The following CNTN5 variants were observed in gnomAD, a reference collection of about 807,000 sequenced individuals.
CNTN5 encodes the protein contactin-5.
Under a neutral mutation model 129.1 loss-of-function variants are expected in CNTN5, and 77 were observed. That is an observed-to-expected ratio of 0.60 (90% CI 0.50 to 0.72). CNTN5 has a LOEUF of 0.72. Among genes scored for constraint, CNTN5 ranks in the 30% least tolerant of loss-of-function variants. CNTN5 has a pLI of 0.00. For synonymous variants in CNTN5, 509 were observed against 465.6 expected (o/e 1.09, Z -1.20); for missense variants, 1,478 against 1,328.8 (o/e 1.11, Z -1.75).
At chr11:99,640,891 C>T (rs1283898032) in intron 3 of CNTN5, among the ~76,000 whole-genome samples, 1 of 152,200 alleles carries the variant, frequency 6.6e-6, no homozygotes, top group Non-Finnish European at 1.5e-5. Flanking sequence ...TCTGTAAAAA[C>T]ACAACTCTTG....
intron 14 of CNTN5, among the ~76,000 whole-genome samples, chr11:100,191,476 T>G (rs1948491742): frequency 6.6e-6 from 1 of 152,134 alleles, no homozygotes; most frequent in African/African-American, 2.4e-5. Flanking sequence ...TTTATTTTGC[T>G]TTGAATAAAA....
chr11:100,038,148 A>G lies in CNTN5; in HGVS notation c.981-23064A>G, dbSNP rs564757836. Among the ~76,000 whole-genome samples, 26 of 152,142 alleles carry G rather than the reference A, an allele frequency of 1.7e-4. No homozygotes were observed. The East Asian group carries it at 4.4e-3, about 26-fold the overall frequency. On this transcript the variant is annotated intron_variant, in intron 9 of 24. Coordinates refer to ENST00000524871, the MANE Select transcript of CNTN5 (RefSeq NM_014361.4). ...CTACACACTACTTTGAATGTGTCCC[A>G]GAGATTCTGGTATGTTGTGTCTTTG...
At chr11:99,676,049 G>A (rs768958215) in intron 3 of CNTN5, among the ~76,000 whole-genome samples, 3 of 152,142 alleles carry the variant, frequency 2.0e-5, no homozygotes, top group African/African-American at 2.4e-5. Flanking sequence ...CTGCCTTCCA[G>A]CGATGTTGTA....
intron 3 of CNTN5, among the ~76,000 whole-genome samples, chr11:99,580,400 G>T (rs1949533324): frequency 6.6e-6 from 1 of 152,170 alleles, no homozygotes; most frequent in South Asian, 2.1e-4. Flanking sequence ...GTTTCAGAAG[G>T]AATGGTACCA....
intron 2 of CNTN5, among the ~76,000 whole-genome samples, chr11:99,350,051 T>C (rs34566431): frequency 0.28 from 42,760 of 152,048 alleles, 6,535 homozygotes; most frequent in Non-Finnish European, 0.35. Flanking sequence ...TATTGCCAAC[T>C]AAAGTCCCTT....
intron 3 of CNTN5, among the ~76,000 whole-genome samples, chr11:99,647,784 T>C (rs1774580562): frequency 1.3e-5 from 2 of 151,554 alleles, no homozygotes; most frequent in African/African-American, 4.8e-5. Flanking sequence ...TTCCAAGGCA[T>C]TTTATTTTTT....
chr11:99,564,157 C>A (rs1256957377), intron 3 of CNTN5, among the ~76,000 whole-genome samples: 2 of 152,166 alleles, frequency 1.3e-5, no homozygotes, highest in African/African-American at 4.8e-5. Context: ...TCATAGCTCA[C>A]TGAAACATTG....
intron 1 of CNTN5, among the ~76,000 whole-genome samples, chr11:99,170,065 A>T (rs1414510758): frequency 1.3e-5 from 2 of 152,108 alleles, no homozygotes; most frequent in Non-Finnish European, 2.9e-5. Context: ...TTTGTGCTAC[A>T]TGTTATGAAT....
At chr11:100,185,969 C>T (rs544409265) in intron 13 of CNTN5, among the ~76,000 whole-genome samples, 7 of 152,254 alleles carry the variant, frequency 4.6e-5, no homozygotes, top group South Asian at 2.1e-4. Flanking sequence ...TAAATAATAT[C>T]GCAATGGGTA....
intron 4 of CNTN5, among the ~76,000 whole-genome samples, chr11:99,843,402 C>T (rs535967379): frequency 3.3e-5 from 5 of 152,298 alleles, no homozygotes; most frequent in East Asian, 1.9e-4. Context: ...AATCATTTTA[C>T]TCCAAATTTG....
At chr11:99,127,776 C>A (rs1858718138) in intron 1 of CNTN5, among the ~76,000 whole-genome samples, 1 of 152,144 alleles carries the variant, frequency 6.6e-6, no homozygotes, top group Admixed American at 6.5e-5. Flanking sequence ...ACAAAGCATT[C>A]CTTGACCTTT....
At chr11:99,093,162 CT>C (rs1200368171) in intron 1 of CNTN5, among the ~76,000 whole-genome samples, 1 of 152,038 alleles carries the variant, frequency 6.6e-6, no homozygotes, top group Non-Finnish European at 1.5e-5. Context: ...CTAGAAACAA[CT>C]TTCCTCTAAT....
intron 7 of CNTN5, among the ~76,000 whole-genome samples, chr11:99,954,625 GT>G (rs1011091954): frequency 3.9e-5 from 6 of 152,020 alleles, no homozygotes; most frequent in South Asian, 2.1e-4. Context: ...TAGATTTATA[GT>G]TTTTTTATGA....
intron 1 of CNTN5, among the ~76,000 whole-genome samples, chr11:99,227,689 G>A (rs371067588): frequency 2.6e-5 from 4 of 152,054 alleles, no homozygotes; most frequent in African/African-American, 4.8e-5. Context: ...AAAATGTATC[G>A]TTTGAATTCA....
At chr11:100,062,784 A>G (rs778602956) in intron 10 of CNTN5, among the ~76,000 whole-genome samples, 100 of 152,356 alleles carry the variant, frequency 6.6e-4, no homozygotes, top group Non-Finnish European at 1.2e-3. Flanking sequence ...TTTTTAGGCC[A>G]TGAATATTTG....
chr11:99,557,063 T>C (rs1948697298), intron 3 of CNTN5, among the ~76,000 whole-genome samples: 1 of 151,288 alleles, frequency 6.6e-6, no homozygotes, highest in South Asian at 2.1e-4. Context: ...TAAATTTAGG[T>C]AGTATGTATG....
Position 99,582,673 on chromosome 11 carries a change from C to A in CNTN5, c.55+26404C>A, listed in dbSNP as rs1346926117. The stretch of plus-strand genomic sequence containing the variant: ...GTTCTCATGCCATGCTTTTCAGCTC[C>A]ATCAGGTCCTTTAAGAACTTCTCTG... On this transcript the variant is annotated intron_variant, in intron 3 of 24. Coordinates refer to ENST00000524871, the MANE Select transcript of CNTN5 (RefSeq NM_014361.4). 4.6e-5 allele frequency among the ~76,000 whole-genome samples: 7 copies of A among 152,194 alleles called. No individual in the cohort carries two copies. The East Asian group carries it at 1.3e-3, about 29-fold the overall frequency.
chr11:100,050,753 G>A (rs1244713135), intron 9 of CNTN5, among the ~76,000 whole-genome samples: 1 of 152,004 alleles, frequency 6.6e-6, no homozygotes, highest in Admixed American at 6.6e-5. Context: ...GATTAAAAAC[G>A]TGTACCATGC....
At chr11:99,790,247 T>C (rs1417468871) in intron 3 of CNTN5, among the ~76,000 whole-genome samples, 3 of 152,066 alleles carry the variant, frequency 2.0e-5, no homozygotes, top group African/African-American at 4.8e-5. Flanking sequence ...TTGTGTTTCA[T>C]AGGAGTTTGG....
Sources: gnomAD v4.1 joint callset for allele counts (sites outside exome capture counted in the v4.1 genomes callset) on GRCh38, gnomAD v4.1.1 for gene constraint, MANE v1.5 for transcripts, NCBI Gene and HGNC (gene_info 2026-07-23, HGNC 2026-07-21) for gene names.